Variants in NFIB observed in about 807,000 individuals in gnomAD.
NFIB encodes nuclear factor I B, also known as nuclear factor 1 B-type.
A neutral mutation model predicts 61.5 loss-of-function variants in NFIB; 11 were observed. That is an observed-to-expected ratio of 0.18 (90% CI 0.11 to 0.30). The LOEUF (loss-of-function observed/expected upper bound fraction) is 0.30. Among genes scored for constraint, NFIB ranks in the 10% least tolerant of loss-of-function variants. The pLI is 1.00. For synonymous variants in NFIB, 260 were observed against 216.5 expected (o/e 1.20, Z -1.76); for missense variants, 471 against 608.9 (o/e 0.77, Z 2.38).
At chr9:14,279,533 C>T (rs4740566) in intron 2 of NFIB, among the ~76,000 whole-genome samples, 146,018 of 152,266 alleles carry the variant, frequency 0.96, 70,101 homozygotes, top group East Asian at 0.98. Context: ...AAAGAAAGAC[C>T]CTCAAGGCAA....
chr9:14,342,202 T>A (rs1564018992), intron 1 of NFIB, among the ~76,000 whole-genome samples: 1 of 152,114 alleles, frequency 6.6e-6, no homozygotes, highest in Non-Finnish European at 1.5e-5. Context: ...AGAACCTAGA[T>A]AAGGGGGTAG....
chr9:14,361,751 T>G (rs2061243674), intron 1 of NFIB: 1 of 152,230 alleles, frequency 6.6e-6, no homozygotes, highest in East Asian at 1.9e-4. Context: ...GATTTCCCAT[T>G]TTTTTCTTAG....
At chr9:14,466,716 T>C in the NFIB span, among the ~76,000 whole-genome samples, 2 of 152,198 alleles carry the variant, frequency 1.3e-5, no homozygotes, top group African/African-American at 4.8e-5. Flanking sequence ...CTCCTCCCTC[T>C]CTATTCTTCT....
chr9:14,375,994 C>T (rs1296473026), intron 1 of NFIB, among the ~76,000 whole-genome samples: 1 of 152,188 alleles, frequency 6.6e-6, no homozygotes, highest in African/African-American at 2.4e-5. Context: ...AGTACATGGC[C>T]AAAATAAATA....
intron 1 of NFIB, among the ~76,000 whole-genome samples, chr9:14,356,182 G>C (rs2061174297): frequency 6.6e-6 from 1 of 152,098 alleles, no homozygotes; most frequent in Non-Finnish European, 1.5e-5. Flanking sequence ...CGCACTTTTT[G>C]TCACTAACTG....
At chr9:14,110,588 C>A (rs992940923) in intron 10 of NFIB, among the ~76,000 whole-genome samples, 1 of 152,048 alleles carries the variant, frequency 6.6e-6, no homozygotes, top group African/African-American at 2.4e-5. Context: ...GAAGAATGGT[C>A]TCTTTTAAAT....
intron 7 of NFIB, among the ~76,000 whole-genome samples, chr9:14,122,591 T>A (rs1206967919): frequency 6.6e-6 from 1 of 152,212 alleles, no homozygotes; most frequent in Non-Finnish European, 1.5e-5. Flanking sequence ...AAAGTATCAT[T>A]TAAGGAAATA....
At chr9:14,241,105 T>C (rs1365462207) in intron 2 of NFIB, among the ~76,000 whole-genome samples, 6 of 152,212 alleles carry the variant, frequency 3.9e-5, no homozygotes, top group Admixed American at 1.3e-4. Context: ...AGGCACCGAA[T>C]ACCTTTTAGG....
chr9:14,241,219 T>C (rs1335932802), intron 2 of NFIB, among the ~76,000 whole-genome samples: 1 of 152,226 alleles, frequency 6.6e-6, no homozygotes, highest in Non-Finnish European at 1.5e-5. Context: ...AATAGTTATG[T>C]ATGCATAACG....
chr9:14,531,674 T>G, the NFIB span, among the ~76,000 whole-genome samples: 17,251 of 132,702 alleles, frequency 0.13, 1,236 homozygotes, highest in South Asian at 0.3. Flanking sequence ...ACTGTACCAT[T>G]TGCATTTTTC....
the NFIB span, among the ~76,000 whole-genome samples, chr9:14,513,359 G>A: frequency 1.3e-5 from 2 of 152,154 alleles, no homozygotes; most frequent in Admixed American, 6.6e-5. Context: ...GCCGGGTGTG[G>A]TGGCTCACGC....
chr9:14,453,911 T>A, the NFIB span, among the ~76,000 whole-genome samples: 2 of 151,900 alleles, frequency 1.3e-5, no homozygotes, highest in African/African-American at 4.8e-5. Context: ...TGAAACCCCA[T>A]CTCTACTAAA....
intron 1 of NFIB, among the ~76,000 whole-genome samples, chr9:14,359,002 G>A (rs557608479): frequency 1.3e-5 from 2 of 152,244 alleles, no homozygotes; most frequent in South Asian, 4.2e-4. Context: ...TAGAAACACC[G>A]GATAATGGCG....
intron 2 of NFIB, among the ~76,000 whole-genome samples, chr9:14,217,315 G>C (rs1174999537): frequency 6.6e-6 from 1 of 152,134 alleles, no homozygotes; most frequent in Non-Finnish European, 1.5e-5. Context: ...GCAACCAAAA[G>C]ATAAGATATA....
the NFIB span, among the ~76,000 whole-genome samples, chr9:14,516,208 T>A: frequency 2.6e-5 from 4 of 152,312 alleles, no homozygotes; most frequent in African/African-American, 9.6e-5. Context: ...CCCTGGAAAT[T>A]GCAAAGAAAA....
the NFIB span, among the ~76,000 whole-genome samples, chr9:14,425,010 A>G: frequency 6.6e-6 from 1 of 152,160 alleles, no homozygotes; most frequent in Non-Finnish European, 1.5e-5. Context: ...GAGACAAGGA[A>G]GGAGTAGTGA....
At chr9:14,173,005 T>C (rs2045742830) in intron 3 of NFIB, among the ~76,000 whole-genome samples, 1 of 152,174 alleles carries the variant, frequency 6.6e-6, no homozygotes, top group Non-Finnish European at 1.5e-5. Context: ...CCTGACCTTG[T>C]GATCTGCCCG....
intron 2 of NFIB, among the ~76,000 whole-genome samples, chr9:14,228,872 T>A (rs2052768000): frequency 6.6e-6 from 1 of 151,952 alleles, no homozygotes; most frequent in Non-Finnish European, 1.5e-5. Flanking sequence ...TGACTCAATA[T>A]GAAATGGGGA....
chr9:14,119,779 A>C (rs2038682034), intron 8 of NFIB, among the ~76,000 whole-genome samples: 2 of 152,196 alleles, frequency 1.3e-5, no homozygotes, highest in South Asian at 2.1e-4. Flanking sequence ...TCATATACCA[A>C]ATTCCTATGA....
Sources: allele counts gnomAD v4.1 joint callset (sites outside exome capture counted in the v4.1 genomes callset), GRCh38; gene constraint gnomAD v4.1.1; transcripts MANE v1.5; gene names NCBI Gene and HGNC (gene_info 2026-07-23, HGNC 2026-07-21).